PCDH15: variants seen among roughly 807,000 people sequenced by gnomAD.
PCDH15 encodes protocadherin related 15.
Under a neutral mutation model 178.5 loss-of-function variants are expected in PCDH15, and 129 were observed. The ratio of observed to expected loss-of-function variants is 0.72; its 90% CI spans 0.63 to 0.84. The LOEUF is 0.84. Ranked by LOEUF, PCDH15 falls within the 40% of genes least tolerant of loss-of-function variation. The pLI, the probability that PCDH15 is intolerant of heterozygous loss-of-function variation, is 0.00. For synonymous variants in PCDH15, 800 were observed against 732.0 expected (o/e 1.09, Z -1.50); for missense variants, 2,230 against 2,099.9 (o/e 1.06, Z -1.21).
rs143549237 is a variant in PCDH15 at position 55,288,870 on chromosome 10, GAT to G, written c.-156+30727_-156+30728del. 1.1e-3 allele frequency among the ~76,000 whole-genome samples: 161 copies of G among 145,964 alleles called. No homozygotes were observed. In the East Asian group the frequency reaches 0.012, roughly 11 times the overall value. On this transcript the variant is annotated intron_variant, in intron 1 of 5. Transcript: ENST00000458638. ...CCAGCTTATGACTTCAATTCTATTA[GAT>G]ATATATATATATATATCTAGAACTT...
intron 2 of PCDH15, among the ~76,000 whole-genome samples, chr10:54,662,631 G>A (rs899504549): frequency 3.3e-5 from 5 of 151,870 alleles, no homozygotes; most frequent in African/African-American, 1.2e-4. Flanking sequence ...TAGCATTACA[G>A]GTTAAACCAG....
chr10:55,217,570 T>C (rs1840742521), intron 1 of PCDH15, among the ~76,000 whole-genome samples: 1 of 151,502 alleles, frequency 6.6e-6, no homozygotes, highest in Non-Finnish European at 1.5e-5. Context: ...GCTTTAAAAA[T>C]AAATTTCCAC....
At chr10:55,285,432 GGAAGATA>G (rs1320876360) in intron 1 of PCDH15, among the ~76,000 whole-genome samples, 2 of 151,154 alleles carry the variant, frequency 1.3e-5, no homozygotes, top group Admixed American at 6.6e-5. Context: ...ATTTTATTTA[GGAAGATA>G]TTGTGAATAT....
At chr10:54,084,226 C>T (rs941848462) in intron 16 of PCDH15, among the ~76,000 whole-genome samples, 4 of 151,846 alleles carry the variant, frequency 2.6e-5, no homozygotes, top group South Asian at 2.1e-4. Context: ...GCTGGGATTA[C>T]AGGTTCCCTG....
In PCDH15 at chr10:54,948,614, A is replaced by C. The variant is rs540770533; in HGVS notation, c.-79-51114T>G. ...GGATCCCAAAAAACTGGAAAAAATA[A>C]AGCAGAAGAAGAGATTAAAAAGTTA... On this transcript the variant is annotated intron_variant, in intron 2 of 5. Transcript: ENST00000458638. 5.1e-4 allele frequency among the ~76,000 whole-genome samples: 77 copies of C among 152,046 alleles called. 1 individual carries two copies. Among genetic ancestry groups the C allele is most frequent in the Admixed American group, 8.5e-4 (13 of 15,228 alleles).
chr10:53,980,683 C>T (rs1024985238), intron 21 of PCDH15, among the ~76,000 whole-genome samples: 1 of 152,160 alleles, frequency 6.6e-6, no homozygotes, highest in Non-Finnish European at 1.5e-5. Flanking sequence ...TCTTCTTATT[C>T]CTATATGATT....
intron 3 of PCDH15, among the ~76,000 whole-genome samples, chr10:54,389,142 G>T (rs1464225077): frequency 2.6e-5 from 1 of 38,346 alleles, no homozygotes; most frequent in Non-Finnish European, 6.8e-5. Context: ...CTAATCTACA[G>T]AGGAAAAAAA....
In PCDH15 at chr10:54,090,052, T is replaced by G. The variant is rs2094574251; in HGVS notation, c.1929A>C (p.Arg643=). ...AVLLNLQATD[R]EGDSITYAIE... is the part of the protein sequence containing the mutation. ...TGGCATATGTTATTGAGTCTCCCTC[T>G]CGATCAGTTGCCTTCAGAGAGAAAA... The change falls in exon 16 of 38, where the codon CGA becomes CGC. Residue 643 remains arginine, a synonymous_variant. Coordinates refer to ENST00000644397, the MANE Select transcript of PCDH15 (RefSeq NM_001384140.1). 6.2e-7 allele frequency: 1 copy of G among 1,611,258 alleles called. No individual in the cohort carries two copies. Among genetic ancestry groups the G allele is most frequent in the Non-Finnish European group, 8.5e-7 (1 of 1,177,952 alleles).
At chr10:54,109,542 A>C (rs544648621) in intron 15 of PCDH15, among the ~76,000 whole-genome samples, 1 of 152,250 alleles carries the variant, frequency 6.6e-6, no homozygotes, top group Non-Finnish European at 1.5e-5. Flanking sequence ...TCTGGACATC[A>C]TCAAATTAAG....
At chr10:55,040,237 T>C (rs1840832398) in intron 2 of PCDH15, among the ~76,000 whole-genome samples, 1 of 151,896 alleles carries the variant, frequency 6.6e-6, no homozygotes, top group Non-Finnish European at 1.5e-5. Flanking sequence ...ATGGCAGCAA[T>C]AGGAATTTCA....
rs182460820 is a variant in PCDH15, at chr10:53,803,536, A to G, written c.*3043T>C. 1.2e-4 allele frequency: 19 copies of G among 152,136 alleles called. No homozygotes were observed. Among genetic ancestry groups the G allele is most frequent in the Middle Eastern group, 3.4e-3 (1 of 294 alleles). 9.4% of individuals were successfully genotyped at this position (152,136 alleles called of 1,614,324 possible). A position where few individuals can be genotyped will look rare whatever the true frequency, so the allele number is the denominator to read the frequency against. On this transcript the variant is annotated 3_prime_UTR_variant, in exon 38 of 38. Coordinates refer to ENST00000644397, the MANE Select transcript of PCDH15 (RefSeq NM_001384140.1). Reference sequence around the variant, plus strand: ...ATAACATGAATGACATATCACATATAAAATTCAAGGCAAACTTTCTTCTGT... The same window carrying G: ...ATAACATGAATGACATATCACATATGAAATTCAAGGCAAACTTTCTTCTGT...
chr10:55,457,093 A>T (rs533195428), intron 2 of PCDH15, among the ~76,000 whole-genome samples: 45 of 152,208 alleles, frequency 3.0e-4, no homozygotes, highest in African/African-American at 1.1e-3. Flanking sequence ...CGAAGTCCTA[A>T]AACGGCATAT....
intron 1 of PCDH15, among the ~76,000 whole-genome samples, chr10:55,230,528 A>G (rs1592005745): frequency 1.3e-5 from 2 of 152,136 alleles, no homozygotes; most frequent in African/African-American, 4.8e-5. Flanking sequence ...GGTGCCACAC[A>G]TGCATTGAAT....
At chr10:55,324,721 A>T (rs1411711461) in intron 2 of PCDH15, among the ~76,000 whole-genome samples, 2 of 152,116 alleles carry the variant, frequency 1.3e-5, no homozygotes, top group African/African-American at 4.8e-5. Context: ...CCTGAACTCA[A>T]CAACTGACCA....
intron 26 of PCDH15, among the ~76,000 whole-genome samples, chr10:53,888,300 A>ATATGTATATGTATATATATACT (rs1554845153): frequency 1.2e-5 from 1 of 82,018 alleles, no homozygotes; most frequent in Non-Finnish European, 2.2e-5. Flanking sequence ...ACATATATAT[A>ATATGTATATGTATATATATACT]TATATATATG....
intron 23 of PCDH15, among the ~76,000 whole-genome samples, chr10:53,952,132 C>T (rs898895098): frequency 3.9e-5 from 6 of 152,164 alleles, no homozygotes; most frequent in Admixed American, 1.3e-4. Context: ...AGGGCCACTT[C>T]GCTTCTCTTC....
intron 7 of PCDH15, among the ~76,000 whole-genome samples, chr10:54,322,430 T>C (rs190822676): frequency 2.6e-5 from 4 of 152,100 alleles, no homozygotes; most frequent in Admixed American, 6.6e-5. Context: ...GAAACTGTGA[T>C]TCTAGTTGGC....
chr10:54,837,288 C>G (rs1953333441), intron 3 of PCDH15, among the ~76,000 whole-genome samples: 1 of 151,658 alleles, frequency 6.6e-6, no homozygotes, highest in Non-Finnish European at 1.5e-5. Context: ...ATAAAGTAAA[C>G]AAAAGAAAAT....
chr10:54,336,519 A>G (rs1941180148), intron 6 of PCDH15, among the ~76,000 whole-genome samples: 1 of 152,194 alleles, frequency 6.6e-6, no homozygotes, highest in African/African-American at 2.4e-5. Context: ...AGGAGTGAAG[A>G]CATAGCTCAG....
Sources: allele counts gnomAD v4.1 joint callset (sites outside exome capture counted in the v4.1 genomes callset), GRCh38; gene constraint gnomAD v4.1.1; transcripts MANE v1.5; gene names NCBI Gene and HGNC (gene_info 2026-07-23, HGNC 2026-07-21).